Variants in PTPRR observed in about 807,000 individuals in gnomAD.
PTPRR encodes the protein receptor-type tyrosine-protein phosphatase R.
In PTPRR, 38 loss-of-function variants were observed where a neutral mutation model predicts 77.2. That is an observed-to-expected ratio of 0.49 (90% CI 0.38 to 0.65). The LOEUF is 0.65. Ranked by LOEUF, PTPRR falls within the 30% of genes least tolerant of loss-of-function variation. The pLI is 0.00. For missense variants in PTPRR, 744 were observed against 799.2 expected, an observed-to-expected ratio of 0.93 and a Z score of 0.83; for synonymous variants, 299 against 283.1, an observed-to-expected ratio of 1.06 and a Z score of -0.57.
intron 5 of PTPRR, among the ~76,000 whole-genome samples, chr12:70,751,525 G>A (rs975752978): frequency 2.0e-5 from 3 of 152,134 alleles, no homozygotes; most frequent in African/African-American, 4.8e-5. Flanking sequence ...AGCCTGAACA[G>A]GCTAAGCTTA....
chr12:70,806,107 C>G (rs1247782148), intron 2 of PTPRR, among the ~76,000 whole-genome samples: 2 of 152,170 alleles, frequency 1.3e-5, no homozygotes, highest in African/African-American at 4.8e-5. Context: ...GACCAACCAA[C>G]CAATTACAGA....
At chr12:70,849,255 T>A (rs888273225) in intron 2 of PTPRR, among the ~76,000 whole-genome samples, 17 of 151,452 alleles carry the variant, frequency 1.1e-4, no homozygotes, top group African/African-American at 3.7e-4. Flanking sequence ...AAAAAAAAAA[T>A]TTTCCAACAG....
intron 2 of PTPRR, among the ~76,000 whole-genome samples, chr12:70,773,159 T>G (rs1000558382): frequency 2.0e-5 from 3 of 152,152 alleles, no homozygotes; most frequent in African/African-American, 4.8e-5. Flanking sequence ...TATAAGGGCC[T>G]CCTTATATTG....
At chr12:70,649,188 G>A (rs2136650546) in intron 13 of PTPRR, among the ~76,000 whole-genome samples, 1 of 152,218 alleles carries the variant, frequency 6.6e-6, no homozygotes, top group African/African-American at 2.4e-5. Context: ...CAATGACCAG[G>A]CATTGTAATT....
chr12:70,774,754 C>T (rs1365698860), intron 2 of PTPRR, among the ~76,000 whole-genome samples: 1 of 151,906 alleles, frequency 6.6e-6, no homozygotes, highest in Non-Finnish European at 1.5e-5. Flanking sequence ...TATATGAGTG[C>T]AATTTGAGAA....
chr12:70,656,912 G>T, intron 12 of PTPRR, 95 bp from the exon 13 acceptor site: 1 of 638,328 alleles, frequency 1.6e-6, no homozygotes, highest in Non-Finnish European at 2.6e-6. Context: ...TGAAACCACA[G>T]TTAAAAGTAG....
chr12:70,821,942 G>A (rs543724753), intron 2 of PTPRR, among the ~76,000 whole-genome samples: 9 of 152,186 alleles, frequency 5.9e-5, no homozygotes, highest in African/African-American at 1.7e-4. Context: ...GGGATTACAG[G>A]CATGAGCCAC....
At chr12:70,672,609 C>T (rs1887276614) in intron 10 of PTPRR, 4 of 1,482,554 alleles carry the variant, frequency 2.7e-6, no homozygotes, top group South Asian at 2.3e-5. Context: ...CAGATGCACA[C>T]ATCTTAAAGA....
chr12:70,650,466 T>C (rs1303171494), intron 13 of PTPRR, among the ~76,000 whole-genome samples: 7 of 151,994 alleles, frequency 4.6e-5, no homozygotes, highest in Admixed American at 3.3e-4. Context: ...TATATATATA[T>C]ATAAACAGCT....
intron 2 of PTPRR, among the ~76,000 whole-genome samples, chr12:70,765,733 C>G (rs897787762): frequency 6.6e-6 from 1 of 152,134 alleles, no homozygotes; most frequent in Non-Finnish European, 1.5e-5. Flanking sequence ...GACCCCTGAC[C>G]CCTGAGCAGG....
intron 2 of PTPRR, among the ~76,000 whole-genome samples, chr12:70,830,294 GA>G (rs1892189352): frequency 6.6e-6 from 1 of 152,104 alleles, no homozygotes; most frequent in Non-Finnish European, 1.5e-5. Context: ...ACAATAAAAG[GA>G]TATTTCTCAC....
chr12:70,724,705 G>T (rs1285407522), intron 6 of PTPRR, among the ~76,000 whole-genome samples: 2 of 151,944 alleles, frequency 1.3e-5, no homozygotes, highest in African/African-American at 2.4e-5. Context: ...GTGTTGGTGC[G>T]TGCTCCTGCT....
chr12:70,802,250 C>G (rs1278329517), intron 2 of PTPRR, among the ~76,000 whole-genome samples: 1 of 152,160 alleles, frequency 6.6e-6, no homozygotes, highest in East Asian at 1.9e-4. Context: ...TCTTTGCAAA[C>G]ATAATTTGTT....
intron 2 of PTPRR, among the ~76,000 whole-genome samples, chr12:70,765,012 T>G (rs1381562155): frequency 6.6e-6 from 1 of 152,146 alleles, no homozygotes; most frequent in Non-Finnish European, 1.5e-5. Flanking sequence ...GTTAAAAAGA[T>G]GTATTATAGG....
intron 10 of PTPRR, among the ~76,000 whole-genome samples, chr12:70,683,256 A>G (rs1454129666): frequency 6.6e-6 from 1 of 152,184 alleles, no homozygotes; most frequent in African/African-American, 2.4e-5. Flanking sequence ...CAAACACTGA[A>G]ATGCTGATTA....
intron 2 of PTPRR, among the ~76,000 whole-genome samples, chr12:70,828,297 T>C (rs912544235): frequency 1.3e-5 from 2 of 152,210 alleles, no homozygotes; most frequent in African/African-American, 2.4e-5. Context: ...CTTTGTCCTT[T>C]GGGAACTTCT....
chr12:70,808,102 C>T (rs1252275251), intron 2 of PTPRR, among the ~76,000 whole-genome samples: 1 of 152,024 alleles, frequency 6.6e-6, no homozygotes, highest in African/African-American at 2.4e-5. Flanking sequence ...TCTGAAATGG[C>T]CACCCTGGGA....
chr12:70,858,206 T>G (rs1008429300), intron 2 of PTPRR, among the ~76,000 whole-genome samples: 1 of 151,814 alleles, frequency 6.6e-6, no homozygotes, highest in Non-Finnish European at 1.5e-5. Context: ...CTCTCTCCTT[T>G]CAAAAGTGTC....
At chr12:70,892,654 A>G (rs1353536599) in intron 2 of PTPRR, 25 bp downstream of exon 2, 5 of 1,606,068 alleles carry the variant, frequency 3.1e-6, no homozygotes, top group Non-Finnish European at 4.3e-6. Flanking sequence ...CATCAGCCTC[A>G]GCATCAGTTT....
Sources: allele counts gnomAD v4.1 joint callset (sites outside exome capture counted in the v4.1 genomes callset), GRCh38; gene constraint gnomAD v4.1.1; transcripts MANE v1.5; gene names NCBI Gene and HGNC (gene_info 2026-07-23, HGNC 2026-07-21).